Variants in DCDC2C observed in about 807,000 individuals in gnomAD.
DCDC2C encodes the protein doublecortin domain-containing protein 2C.
In DCDC2C, 44 loss-of-function variants were observed where a neutral mutation model predicts 45.0. The ratio of observed to expected loss-of-function variants is 0.98; its 90% confidence interval spans 0.77 to 1.26. The LOEUF (loss-of-function observed/expected upper bound fraction) is 1.26. Ranked by LOEUF, DCDC2C falls within the 50% of genes most tolerant of loss-of-function variation. The pLI is 0.00. For synonymous variants in DCDC2C, 187 were observed against 178.8 expected, an observed-to-expected ratio of 1.05 and a Z score of -0.37; for missense variants, 447 against 468.9, an observed-to-expected ratio of 0.95 and a Z score of 0.43.
rs1667935558 is a variant in DCDC2C at position 3,703,665 on chromosome 2, G to T, written c.-87G>T. The T allele has an allele frequency of 7.6e-6, 9 of 1,189,874 alleles. No individual in the cohort carries two copies. The highest frequency in any genetic ancestry group is 4.4e-5 in the Admixed American group (1 of 22,868). The allele number at this position is 1,189,874 out of a possible 1,614,324, so 73.7% of individuals were successfully genotyped here. A position where few individuals can be genotyped will look rare whatever the true frequency, so the allele number is the denominator to read the frequency against. On this transcript the variant is annotated 5_prime_UTR_variant, in exon 1 of 11. Transcript: ENST00000399143. The surrounding 1 kb of genome is among the most constrained non-coding windows in gnomAD (Gnocchi z 4.4). ...CTGGAGCGGACCTCCCGTCGGCGGT[G>T]CCCGGGCCTGGGCGCGGCTCTGCAG... is the stretch of plus-strand genomic sequence containing the variant.
chr2:3,750,213 CT>C (rs1669504285), intron 4 of DCDC2C, among the ~76,000 whole-genome samples: 1 of 152,174 alleles, frequency 6.6e-6, no homozygotes, highest in East Asian at 1.9e-4. Context: ...GCACGATTTT[CT>C]GTCCCTTGGT....
At chr2:3,795,848 C>T (rs1274513253) in intron 10 of DCDC2C, among the ~76,000 whole-genome samples, 3 of 136,348 alleles carry the variant, frequency 2.2e-5, no homozygotes, top group Non-Finnish European at 4.7e-5. Flanking sequence ...CGTGGCGATG[C>T]GGGCTCTTTT....
At chr2:3,833,358 C>T (rs1162576571) in intron 10 of DCDC2C, among the ~76,000 whole-genome samples, 1 of 152,198 alleles carries the variant, frequency 6.6e-6, no homozygotes, top group East Asian at 1.9e-4. Context: ...ATTCTGCCTA[C>T]CTTACCCACT....
chr2:3,706,544 A>ATG (rs202219395), intron 1 of DCDC2C, among the ~76,000 whole-genome samples: 2 of 122,760 alleles, frequency 1.6e-5, no homozygotes, highest in East Asian at 2.2e-4. Flanking sequence ...GTGTGCACGC[A>ATG]TGTGTGTGCG....
Position 3,741,787 on chromosome 2 carries a change from A to C in DCDC2C, c.417-133A>C. 3 of 945,042 alleles carry C rather than the reference A, an allele frequency of 3.2e-6. No homozygotes were observed. The African/African-American group carries it at 5.1e-5, about 16-fold the overall frequency. The allele number at this position is 945,042 out of a possible 1,614,324, so 58.5% of individuals were successfully genotyped here. ...CTTGATAAGGTCCCCAATAAGACAT[A>C]GTATGAAGTATTGGAGGCTGCTTAG... On this transcript the variant is annotated intron_variant, in intron 3 of 10. Transcript: ENST00000399143.
At chr2:3,738,172 A>G (rs953885665) in intron 3 of DCDC2C, among the ~76,000 whole-genome samples, 1 of 152,224 alleles carries the variant, frequency 6.6e-6, no homozygotes, top group African/African-American at 2.4e-5. Flanking sequence ...GAAATTTGGT[A>G]AATTTGGTAA....
intron 2 of DCDC2C, among the ~76,000 whole-genome samples, chr2:3,715,724 T>G (rs1668334892): frequency 6.6e-6 from 1 of 152,194 alleles, no homozygotes; most frequent in African/African-American, 2.4e-5. Flanking sequence ...GCCCAACGGT[T>G]TTTTCACTAA....
intron 9 of DCDC2C, 60 bp from the exon 10 acceptor site, chr2:3,784,999 A>G: frequency 1.7e-6 from 2 of 1,176,174 alleles, no homozygotes; most frequent in South Asian, 8.6e-5. Flanking sequence ...GAGATTAAGG[A>G]TTTATTTTAC....
At chr2:3,756,497 T>C (rs1669722022) in intron 6 of DCDC2C, among the ~76,000 whole-genome samples, 1 of 152,166 alleles carries the variant, frequency 6.6e-6, no homozygotes, top group East Asian at 1.9e-4. Context: ...TTTTAATCAC[T>C]CCCTGCAAAT....
At chr2:3,727,440 A>G (rs1411557409) in intron 3 of DCDC2C, among the ~76,000 whole-genome samples, 1 of 151,984 alleles carries the variant, frequency 6.6e-6, no homozygotes, top group Non-Finnish European at 1.5e-5. Flanking sequence ...TTTTTTTTTT[A>G]ATGTAGCAGT....
At chr2:3,762,071 G>T (rs142861511) in intron 6 of DCDC2C, among the ~76,000 whole-genome samples, 3 of 151,838 alleles carry the variant, frequency 2.0e-5, no homozygotes, top group Admixed American at 6.6e-5. Context: ...ACTTGAGACG[G>T]AGAGAAATAT....
intron 1 of DCDC2C, among the ~76,000 whole-genome samples, chr2:3,705,283 G>A (rs1248378426): frequency 6.6e-6 from 1 of 152,176 alleles, no homozygotes; most frequent in Non-Finnish European, 1.5e-5. Context: ...GTTGCTAAGA[G>A]GTAGAATCTG....
At chr2:3,829,079 T>G (rs757345868) in intron 10 of DCDC2C, among the ~76,000 whole-genome samples, 2 of 152,174 alleles carry the variant, frequency 1.3e-5, no homozygotes, top group Non-Finnish European at 2.9e-5. Context: ...ACACTTCCAG[T>G]GGCCCCGGCA....
At chr2:3,725,586 G>A (rs1410152486) in intron 2 of DCDC2C, among the ~76,000 whole-genome samples, 1 of 145,182 alleles carries the variant, frequency 6.9e-6, no homozygotes, top group Non-Finnish European at 1.5e-5. Flanking sequence ...GAGCAGAGAG[G>A]GAGGAGGCTG....
In DCDC2C at chr2:3,790,400, A is replaced by T. The variant is rs1289779808; in HGVS notation, c.1065+5300A>T. 5.3e-4 allele frequency among the ~76,000 whole-genome samples: 80 copies of T among 152,206 alleles called. 1 individual carries two copies. Among genetic ancestry groups the T allele is most frequent in the Admixed American group, 5.2e-3 (79 of 15,278 alleles). On this transcript the variant is annotated intron_variant, in intron 10 of 10. Coordinates refer to ENST00000399143, the MANE Select transcript of DCDC2C (RefSeq NM_001287444.2). ...TCCATCGCCTGCAGCTACTGATGAA[A>T]ACACCATTTCAGCATCTTACTGAAG...
At chr2:3,718,456 A>T (rs993364569) in intron 2 of DCDC2C, among the ~76,000 whole-genome samples, 1 of 152,120 alleles carries the variant, frequency 6.6e-6, no homozygotes, top group Non-Finnish European at 1.5e-5. Context: ...TGGGTGCATG[A>T]TACATAAATC....
chr2:3,746,296 G>A (rs1669359401), intron 4 of DCDC2C, among the ~76,000 whole-genome samples: 1 of 152,182 alleles, frequency 6.6e-6, no homozygotes, highest in Non-Finnish European at 1.5e-5. Flanking sequence ...GAGGAGCTGG[G>A]GCAGGAGGGC....
At position 3,769,081 on chromosome 2, in the gene DCDC2C, G is replaced by T. The variant is rs114615240; in HGVS notation, c.854-230G>T. 3.7e-3 allele frequency: 1,790 copies of T among 480,906 alleles called. 28 individuals carry two copies. Among genetic ancestry groups the T allele is most frequent in the African/African-American group, 0.029 (1,518 of 51,762 alleles). The allele number at this position is 480,906 out of a possible 1,614,324, so 29.8% of individuals were successfully genotyped here. The stretch of plus-strand genomic sequence containing the variant: ...GACCTTCATGAAGACAGAGACAAAA[G>T]CAGACGGGGCTAAAATCGAGGCCAC... On this transcript the variant is annotated intron_variant, in intron 7 of 10. Transcript: ENST00000399143.
chr2:3,799,638 C>T (rs1354491730), intron 10 of DCDC2C, among the ~76,000 whole-genome samples: 6 of 152,278 alleles, frequency 3.9e-5, no homozygotes, highest in Non-Finnish European at 8.8e-5. Context: ...TGTGAGGTGT[C>T]AGTCTGCCCC....
Sources: gnomAD v4.1 joint callset for allele counts (sites outside exome capture counted in the v4.1 genomes callset) on GRCh38, gnomAD v4.1.1 for gene constraint, Gnocchi (gnomAD v3.1) non-coding constraint, MANE v1.5 for transcripts, NCBI Gene and HGNC (gene_info 2026-07-23, HGNC 2026-07-21) for gene names.